ESRRG: variants seen among roughly 807,000 people sequenced by gnomAD.
ESRRG encodes estrogen-related receptor gamma.
In ESRRG, 13 loss-of-function variants were observed where a neutral mutation model predicts 44.0. The observed-to-expected ratio is 0.30, with a 90% confidence interval of 0.19 to 0.47. The LOEUF (loss-of-function observed/expected upper bound fraction) is 0.47. ESRRG is among the 20% of genes least tolerant of loss of function. The pLI is 1.00. For synonymous variants in ESRRG, 215 were observed against 214.6 expected, an observed-to-expected ratio of 1.00 and a Z score of -0.02; for missense variants, 395 against 580.6, an observed-to-expected ratio of 0.68 and a Z score of 3.29.
chr1:216,625,652 A>T lies in ESRRG; in HGVS notation c.589+25321T>A, dbSNP rs950241013. On this transcript the variant is annotated intron_variant, in intron 3 of 6. Transcript: ENST00000408911. ...CCAAATTCCATCTCCAGCACTTAAA[A>T]GTTATATGAGCTCAGGCAAGCCTTT... Among the ~76,000 whole-genome samples the T allele has an allele frequency of 1.3e-3, 201 of 152,238 alleles. 1 individual carries two copies. Among genetic ancestry groups the T allele is most frequent in the African/African-American group, 4.6e-3 (193 of 41,566 alleles).
At chr1:216,672,067 A>AAAGAAG (rs1290561975) in intron 2 of ESRRG, among the ~76,000 whole-genome samples, 1 of 151,992 alleles carries the variant, frequency 6.6e-6, no homozygotes. Flanking sequence ...GGAAGGAGGG[A>AAAGAAG]AAGAAGGCAG....
At chr1:217,066,191 A>C (rs1032628778) in intron 1 of ESRRG, among the ~76,000 whole-genome samples, 1 of 151,732 alleles carries the variant, frequency 6.6e-6, no homozygotes, top group African/African-American at 2.4e-5. Context: ...TAAAGCAAAT[A>C]TGTGGCTTGT....
chr1:216,752,837 C>T (rs2789729), intron 2 of ESRRG, among the ~76,000 whole-genome samples: 147,280 of 152,144 alleles, frequency 0.97, 71,432 homozygotes, highest in Non-Finnish European at 1. Context: ...TTTCTTCCTC[C>T]ATAAAATGGG....
intron 2 of ESRRG, among the ~76,000 whole-genome samples, chr1:216,813,137 T>A (rs1188816108): frequency 6.6e-6 from 1 of 152,150 alleles, no homozygotes; most frequent in Non-Finnish European, 1.5e-5. Context: ...GGCTGATTCA[T>A]GTTCTGGAAA....
At chr1:217,062,651 G>A (rs2088799809) in intron 1 of ESRRG, among the ~76,000 whole-genome samples, 2 of 152,162 alleles carry the variant, frequency 1.3e-5, no homozygotes, top group Admixed American at 6.5e-5. Flanking sequence ...GAGTGTCAGA[G>A]CTTGAGGTCT....
At chr1:216,742,597 T>C (rs2090892420) in intron 2 of ESRRG, among the ~76,000 whole-genome samples, 1 of 151,918 alleles carries the variant, frequency 6.6e-6, no homozygotes, top group South Asian at 2.1e-4. Context: ...ATACAGTACC[T>C]TGCATATACT....
intron 2 of ESRRG, among the ~76,000 whole-genome samples, chr1:216,803,418 C>G (rs1415130142): frequency 2.0e-5 from 3 of 152,144 alleles, no homozygotes; most frequent in East Asian, 3.9e-4. Flanking sequence ...TCACCAAATG[C>G]TGCTGAATAA....
chr1:216,939,142 A>T (rs2064688293), intron 2 of ESRRG, among the ~76,000 whole-genome samples: 1 of 152,060 alleles, frequency 6.6e-6, no homozygotes, highest in South Asian at 2.1e-4. Context: ...GCAGGACAAG[A>T]CGTAAAGAAG....
rs529229191 is a variant in ESRRG at position 216,925,172 on chromosome 1, C to T, written c.-14+14410G>A. On this transcript the variant is annotated intron_variant, in intron 2 of 7. Transcript: ENST00000359162. ...AAAACATGTTGGCCAAGTGTGGTGG[C>T]TCATGCCTGTAATCTCAGCACTTTG... is the stretch of plus-strand genomic sequence containing the variant. Among the ~76,000 whole-genome samples the T allele has an allele frequency of 4.6e-5, 7 of 152,284 alleles. No individual in the cohort carries two copies. In the South Asian group the frequency reaches 1.5e-3, roughly 32 times the overall value.
chr1:216,522,693 C>T (rs936286649), intron 5 of ESRRG, among the ~76,000 whole-genome samples: 5 of 152,090 alleles, frequency 3.3e-5, no homozygotes, highest in Admixed American at 1.3e-4. Context: ...AGCTACGTTG[C>T]ACATACATAA....
At chr1:216,779,460 A>ATAAATATT (rs2093807657) in intron 2 of ESRRG, among the ~76,000 whole-genome samples, 1 of 50,206 alleles carries the variant, frequency 2.0e-5, no homozygotes, top group African/African-American at 6.6e-5. Flanking sequence ...ATAAATATAA[A>ATAAATATT]TATAAATATA....
chr1:216,973,625 G>A (rs575453867), intron 1 of ESRRG, among the ~76,000 whole-genome samples: 1 of 152,084 alleles, frequency 6.6e-6, no homozygotes, highest in South Asian at 2.1e-4. Flanking sequence ...TCGGGAGTTC[G>A]AGACCAGCCT....
chr1:216,817,282 C>A (rs1576877363), intron 2 of ESRRG, among the ~76,000 whole-genome samples: 1 of 152,168 alleles, frequency 6.6e-6, no homozygotes, highest in Admixed American at 6.5e-5. Context: ...AAATGTATTT[C>A]AATAGAATAG....
At chr1:216,631,357 C>G (rs899692370) in intron 3 of ESRRG, among the ~76,000 whole-genome samples, 7 of 152,130 alleles carry the variant, frequency 4.6e-5, no homozygotes, top group Non-Finnish European at 8.8e-5. Context: ...GATTCATGGG[C>G]TACTTATTAT....
intron 2 of ESRRG, among the ~76,000 whole-genome samples, chr1:216,929,127 T>TG (rs1026872061): frequency 1.3e-5 from 2 of 152,044 alleles, no homozygotes; most frequent in African/African-American, 4.8e-5. Flanking sequence ...AAAAAAATAC[T>TG]GGAAAAAAAA....
At chr1:216,637,106 G>A (rs1029738886) in intron 3 of ESRRG, among the ~76,000 whole-genome samples, 3 of 152,072 alleles carry the variant, frequency 2.0e-5, no homozygotes, top group African/African-American at 4.8e-5. Flanking sequence ...TGCTACAAAC[G>A]GAAAATGAAA....
intron 5 of ESRRG, among the ~76,000 whole-genome samples, chr1:216,548,054 C>A (rs2149351000): frequency 6.6e-6 from 1 of 152,078 alleles, no homozygotes; most frequent in African/African-American, 2.4e-5. Context: ...CTAGAAAGAC[C>A]TGGACAGTAT....
chr1:216,578,580 G>C (rs1302213665), intron 3 of ESRRG, among the ~76,000 whole-genome samples: 1 of 151,976 alleles, frequency 6.6e-6, no homozygotes, highest in East Asian at 1.9e-4. Flanking sequence ...CTCTAAAATG[G>C]GTTGATTCAG....
chr1:216,531,323 G>A (rs1021586035), intron 5 of ESRRG, among the ~76,000 whole-genome samples: 1 of 152,138 alleles, frequency 6.6e-6, no homozygotes, highest in African/African-American at 2.4e-5. Flanking sequence ...TCGGTTTAAA[G>A]TCAGGCTCCC....
Sources: allele counts gnomAD v4.1 joint callset (sites outside exome capture counted in the v4.1 genomes callset), GRCh38; gene constraint gnomAD v4.1.1; transcripts MANE v1.5; gene names NCBI Gene and HGNC (gene_info 2026-07-23, HGNC 2026-07-21).